PPFIA2: variants seen among roughly 807,000 people sequenced by gnomAD.
PPFIA2 encodes the protein PPFI scaffold protein A2.
Under a neutral mutation model 175.5 loss-of-function variants are expected in PPFIA2, and 46 were observed. The ratio of observed to expected loss-of-function variants is 0.26; its 90% CI spans 0.21 to 0.34. The LOEUF (loss-of-function observed/expected upper bound fraction) is 0.34. Among genes scored for constraint, PPFIA2 ranks in the 10% least tolerant of loss-of-function variants. PPFIA2 has a pLI of 1.00. For missense variants in PPFIA2, 1,179 were observed against 1,506.1 expected (o/e 0.78, Z 3.60); for synonymous variants, 568 against 511.4 (o/e 1.11, Z -1.49).
chr12:81,368,017 C>T (rs779394780), intron 13 of PPFIA2: 1 of 963,088 alleles, frequency 1.0e-6, no homozygotes, highest in Non-Finnish European at 1.4e-6. Flanking sequence ...ATTTTATGTA[C>T]TAATGGAAAA....
intron 7 of PPFIA2, among the ~76,000 whole-genome samples, chr12:81,408,276 A>G (rs1275730248): frequency 1.3e-5 from 2 of 152,174 alleles, no homozygotes; most frequent in East Asian, 3.8e-4. Context: ...CAATTGATAC[A>G]TGAGATTTTA....
rs189920530 is a variant in PPFIA2, at chr12:81,752,317, G to C, written c.249+1656C>G. Among the ~76,000 whole-genome samples the C allele has an allele frequency of 1.7e-3, 264 of 152,308 alleles. 1 individual carries two copies. Among genetic ancestry groups the C allele is most frequent in the African/African-American group, 6.2e-3 (257 of 41,574 alleles). ...ACTGGTTCTGGGACCACTTTAACAA[G>C]AGAATTAACTAACTCAAATAATCCT... On this transcript the variant is annotated intron_variant, in intron 3 of 32. Transcript: ENST00000549396.
At chr12:81,634,212 T>C (rs1477500519) in intron 4 of PPFIA2, among the ~76,000 whole-genome samples, 3 of 152,088 alleles carry the variant, frequency 2.0e-5, no homozygotes, top group Non-Finnish European at 4.4e-5. Context: ...TGGCATCTTT[T>C]TGTAGCTTGC....
At chr12:81,629,836 C>T (rs184311450) in intron 4 of PPFIA2, among the ~76,000 whole-genome samples, 5 of 152,282 alleles carry the variant, frequency 3.3e-5, no homozygotes, top group East Asian at 1.9e-4. Context: ...GGCAGAATTA[C>T]GGCTTCTCAA....
Position 81,286,368 on chromosome 12 carries a change from G to A in PPFIA2, c.2926-2065C>T, listed in dbSNP as rs115532757. Reference sequence around the variant, plus strand: ...GTATATAGTAATGTCCTAGGCCTTCGTATTCACTAAGTGCCCTATTCACGT... The same window carrying A: ...GTATATAGTAATGTCCTAGGCCTTCATATTCACTAAGTGCCCTATTCACGT... On this transcript the variant is annotated intron_variant, in intron 24 of 32. Transcript: ENST00000549396. 8.6e-4 allele frequency among the ~76,000 whole-genome samples: 130 copies of A among 151,912 alleles called. 2 individuals carry two copies. Among genetic ancestry groups the A allele is most frequent in the African/African-American group, 3.1e-3 (127 of 41,468 alleles).
At chr12:81,322,990 G>A (rs1049122846) in intron 22 of PPFIA2, among the ~76,000 whole-genome samples, 3 of 152,104 alleles carry the variant, frequency 2.0e-5, no homozygotes, top group Non-Finnish European at 4.4e-5. Context: ...TTTACTGGAT[G>A]GTAAGTGTGC....
intron 16 of PPFIA2, 50 bp from the exon 17 acceptor site, chr12:81,353,389 C>A: frequency 7.4e-7 from 1 of 1,345,662 alleles, no homozygotes; most frequent in South Asian, 1.2e-5. Context: ...TGCTCATTTT[C>A]AAAGCATTAA....
intron 4 of PPFIA2, among the ~76,000 whole-genome samples, chr12:81,494,276 G>A (rs1452290120): frequency 6.6e-6 from 1 of 151,894 alleles, no homozygotes; most frequent in Non-Finnish European, 1.5e-5. Context: ...ATCAAAAAGT[G>A]GGCAAAGGAC....
At chr12:81,527,631 C>T (rs1054757528) in intron 4 of PPFIA2, among the ~76,000 whole-genome samples, 1 of 151,980 alleles carries the variant, frequency 6.6e-6, no homozygotes, top group African/African-American at 2.4e-5. Context: ...TTCTTTAGTG[C>T]TTAATGCTTA....
At chr12:81,607,686 T>C (rs539675712) in intron 4 of PPFIA2, among the ~76,000 whole-genome samples, 2 of 152,250 alleles carry the variant, frequency 1.3e-5, no homozygotes, top group East Asian at 1.9e-4. Context: ...TCATTTCTAG[T>C]AGCCTTTTGG....
intron 4 of PPFIA2, among the ~76,000 whole-genome samples, chr12:81,662,551 T>A (rs540998226): frequency 1.5e-3 from 230 of 152,090 alleles, no homozygotes; most frequent in African/African-American, 5.1e-3. Flanking sequence ...AAATTGAGGC[T>A]ATAATTAATA....
intron 30 of PPFIA2, among the ~76,000 whole-genome samples, chr12:81,265,589 C>A (rs984714624): frequency 2.0e-5 from 3 of 151,886 alleles, no homozygotes; most frequent in Non-Finnish European, 2.9e-5. Context: ...TTTGCTCACA[C>A]TAAAAAATAA....
intron 3 of PPFIA2, among the ~76,000 whole-genome samples, chr12:81,730,545 C>T (rs1197618263): frequency 1.3e-5 from 2 of 151,666 alleles, no homozygotes; most frequent in East Asian, 2.0e-4. Flanking sequence ...GGAAACCACT[C>T]CCATGATCCA....
At chr12:81,459,866 T>A (rs1031940409) in intron 4 of PPFIA2, among the ~76,000 whole-genome samples, 1 of 151,962 alleles carries the variant, frequency 6.6e-6, no homozygotes, top group African/African-American at 2.4e-5. Context: ...AGTGAGGAGG[T>A]CTCACTCCCA....
intron 3 of PPFIA2, among the ~76,000 whole-genome samples, chr12:81,719,178 A>C (rs1203899717): frequency 6.6e-6 from 1 of 151,652 alleles, no homozygotes; most frequent in Non-Finnish European, 1.5e-5. Flanking sequence ...ATTCCACTTC[A>C]TGTTAGTACT....
chr12:81,354,561 G>T (rs759347768), intron 16 of PPFIA2, among the ~76,000 whole-genome samples: 14 of 152,128 alleles, frequency 9.2e-5, no homozygotes, highest in Middle Eastern at 6.8e-3. Flanking sequence ...CACCACATTT[G>T]CAGTTATTTC....
At chr12:81,384,521 A>G (rs2038488824) in intron 8 of PPFIA2, among the ~76,000 whole-genome samples, 1 of 152,000 alleles carries the variant, frequency 6.6e-6, no homozygotes, top group African/African-American at 2.4e-5. Flanking sequence ...TAAAACATTG[A>G]TGTATCCTAA....
intron 7 of PPFIA2, among the ~76,000 whole-genome samples, chr12:81,422,154 G>A (rs974474214): frequency 2.3e-4 from 16 of 70,656 alleles, no homozygotes; most frequent in African/African-American, 5.3e-4. Flanking sequence ...ATATATGTGT[G>A]TATATATATA....
intron 4 of PPFIA2, among the ~76,000 whole-genome samples, chr12:81,544,104 G>A (rs1594757508): frequency 6.6e-6 from 1 of 152,108 alleles, no homozygotes; most frequent in East Asian, 1.9e-4. Flanking sequence ...TGCTTCATTA[G>A]TTCTGACCAA....
Sources: allele counts gnomAD v4.1 joint callset (sites outside exome capture counted in the v4.1 genomes callset), GRCh38; gene constraint gnomAD v4.1.1; transcripts MANE v1.5; gene names NCBI Gene and HGNC (gene_info 2026-07-23, HGNC 2026-07-21).